Variants in FRY observed in about 807,000 individuals in gnomAD.
The protein encoded by FRY is protein furry homolog.
Under a neutral mutation model 348.4 loss-of-function variants are expected in FRY, and 128 were observed. The observed-to-expected ratio is 0.37, with a 90% confidence interval of 0.32 to 0.43. The LOEUF is 0.43. Ranked by LOEUF, FRY falls within the 20% of genes least tolerant of loss-of-function variation. FRY has a pLI of 1.00. For missense variants in FRY, 2,736 were observed against 3,695.2 expected (o/e 0.74, Z 6.73); for synonymous variants, 1,370 against 1,374.7 (o/e 1.00, Z 0.08).
chr13:32,202,514 C>T lies in FRY; in HGVS notation c.4005C>T (p.Leu1335=). The T allele has an allele frequency of 6.2e-7, 1 of 1,613,006 alleles. No homozygotes were observed. The highest frequency in any genetic ancestry group is 1.1e-5 in the South Asian group (1 of 91,046). The part of the protein sequence containing the change: ...ELARMYPELT[L]PLFSEVSQRF... ...CCAGGATGTACCCTGAGCTCACACT[C>T]CCCCTCTTCTCAGGTACCAGGCAAT... Residue 1335 remains leucine (L), a synonymous_variant, in exon 31 of 61, where the codon CTC becomes CTT. Coordinates refer to ENST00000542859, the MANE Select transcript of FRY (RefSeq NM_023037.3).
intron 31 of FRY, among the ~76,000 whole-genome samples, chr13:32,204,735 A>G (rs575040791): frequency 2.6e-4 from 39 of 152,356 alleles, no homozygotes; most frequent in African/African-American, 8.2e-4. Context: ...GAGAGACCCA[A>G]TAAAAGCCTT....
At chr13:32,235,245 T>C (rs1886158597) in intron 42 of FRY, among the ~76,000 whole-genome samples, 1 of 152,182 alleles carries the variant, frequency 6.6e-6, no homozygotes, top group South Asian at 2.1e-4. Context: ...GCCCTCAAGA[T>C]AGAGCCCAGA....
chr13:32,144,100 A>G (rs1880250717), intron 11 of FRY, among the ~76,000 whole-genome samples: 2 of 151,998 alleles, frequency 1.3e-5, no homozygotes, highest in Non-Finnish European at 2.9e-5. Context: ...AATTTCTGAA[A>G]TTTTTAAATG....
At chr13:32,210,801 C>T in intron 33 of FRY, 65 bp from the exon 34 acceptor site, 1 of 1,312,474 alleles carries the variant, frequency 7.6e-7, no homozygotes, top group Non-Finnish European at 1.1e-6. Context: ...GAGAGGTTTA[C>T]TGGCCTAGTG....
rs61006034 is a variant in FRY, at chr13:32,095,337, C to CTTTTTTTTTTT, written c.271-6608_271-6598dup. Among the ~76,000 whole-genome samples the CTTTTTTTTTTT allele has an allele frequency of 3.4e-5, 2 of 58,292 alleles. 1 individual carries two copies. The highest frequency in any genetic ancestry group is 5.9e-5 in the Non-Finnish European group (2 of 34,066). 38.2% of individuals were successfully genotyped at this position (58,292 alleles called of 152,430 possible). A position where few individuals can be genotyped will look rare whatever the true frequency, so the allele number is the denominator to read the frequency against. On this transcript the variant is annotated intron_variant, in intron 2 of 60. Transcript: ENST00000542859. ...GATTGTTTCCTTTGCTGTATGGAAG[C>CTTTTTTTTTTT]TTTTTTTTTTTTTTTTTTTTTTTTT...
chr13:32,265,664 A>G (rs763972343), intron 54 of FRY, 48 bp downstream of exon 54: 2 of 1,543,300 alleles, frequency 1.3e-6, no homozygotes, highest in Admixed American at 1.8e-5. Flanking sequence ...TGCATGGTAC[A>G]TTATATGGCA....
In FRY at chr13:32,190,058, A is replaced by G. The variant is rs142640006; in HGVS notation, c.3591+2402A>G. 8.7e-4 allele frequency among the ~76,000 whole-genome samples: 133 copies of G among 152,150 alleles called. 1 individual carries two copies. In the East Asian group the frequency reaches 0.021, roughly 24 times the overall value. ...ATATTCACAGAATCTCAAAAACATG[A>G]TCTCAGATGTACGAAAAGCATTTGT... On this transcript the variant is annotated intron_variant, in intron 28 of 60. Transcript: ENST00000542859.
rs764062238 is a variant in FRY, at chr13:32,254,292, C to T, written c.7314C>T (p.Asp2438=). ...EHQTSLVSSE[D]GAREQENMDD... is the part of the protein sequence containing the mutation. ...AGACAAGCTTGGTATCTTCTGAGGA[C>T]GGTGCCCGAGAGCAGGAGAACATGG... Residue 2438 remains aspartate (D), a synonymous_variant, in exon 51 of 61, where the codon GAC becomes GAT. Coordinates refer to ENST00000542859, the MANE Select transcript of FRY (RefSeq NM_023037.3). The T allele has an allele frequency of 4.3e-6, 7 of 1,613,838 alleles. No individual in the cohort carries two copies. The highest frequency in any genetic ancestry group is 1.1e-5 in the South Asian group (1 of 91,080).
At chr13:32,212,427 A>G in intron 35 of FRY, 45 bp downstream of exon 35, 1 of 1,097,980 alleles carries the variant, frequency 9.1e-7, no homozygotes, top group Non-Finnish European at 1.4e-6. Context: ...ATGTTCTGCA[A>G]TAATCTATAC....
intron 17 of FRY, among the ~76,000 whole-genome samples, chr13:32,161,573 GAGA>G (rs1555260066): frequency 3.9e-5 from 6 of 152,156 alleles, no homozygotes; most frequent in Non-Finnish European, 8.8e-5. Flanking sequence ...TAACTCCTGA[GAGA>G]AGGTGGAACT....
intron 41 of FRY, among the ~76,000 whole-genome samples, 166 bp from the exon 42 acceptor site, chr13:32,234,408 G>A (rs1886104726): frequency 6.6e-6 from 1 of 152,068 alleles, no homozygotes; most frequent in Non-Finnish European, 1.5e-5. Context: ...GGGCAGCAGA[G>A]TGAGACCCTG....
At chr13:32,185,170 A>C in intron 26 of FRY, 22 bp downstream of exon 26, 1 of 1,608,986 alleles carries the variant, frequency 6.2e-7, no homozygotes, top group East Asian at 2.2e-5. Context: ...CGTTACAAGA[A>C]ATTACCATTC....
intron 47 of FRY, 22 bp downstream of exon 47, chr13:32,244,204 CT>C: frequency 6.2e-7 from 1 of 1,607,572 alleles, no homozygotes; most frequent in Non-Finnish European, 8.5e-7. Flanking sequence ...GATAACTTCA[CT>C]AAGCAACCAG....
At chr13:32,242,109 T>G (rs1566161525) in intron 46 of FRY, among the ~76,000 whole-genome samples, 1 of 152,256 alleles carries the variant, frequency 6.6e-6, no homozygotes, top group Admixed American at 6.5e-5. Flanking sequence ...CTTTTGTTGC[T>G]AATGTTCATA....
At chr13:32,220,536 G>T (rs1593760413) in intron 36 of FRY, among the ~76,000 whole-genome samples, 1 of 152,210 alleles carries the variant, frequency 6.6e-6, no homozygotes, top group African/African-American at 2.4e-5. Flanking sequence ...CTTCTAGAAG[G>T]CACCAGATTT....
At chr13:32,165,094 G>GA (rs1419988004) in intron 17 of FRY, among the ~76,000 whole-genome samples, 4 of 152,138 alleles carry the variant, frequency 2.6e-5, no homozygotes, top group African/African-American at 9.7e-5. Context: ...CTTATTTTTA[G>GA]ATAAGGACAT....
chr13:32,232,182 G>A (rs1885952136), intron 41 of FRY, among the ~76,000 whole-genome samples: 1 of 152,212 alleles, frequency 6.6e-6, no homozygotes, highest in South Asian at 2.1e-4. Context: ...CAGACTGAAG[G>A]AAGCAGTTTA....
At chr13:32,179,087 T>C (rs1882540616) in intron 22 of FRY, 54 bp downstream of exon 22, 3 of 1,415,138 alleles carry the variant, frequency 2.1e-6, no homozygotes, top group Non-Finnish European at 3.0e-6. Context: ...TTTAGCTTGT[T>C]TGTCTAGAGT....
rs1291563306 is a variant in FRY, at chr13:32,239,831, C to G, written c.6637C>G (p.His2213Asp). ...GGTCAATGTGGTCTGTCGATACCTT[C>G]ATGAAGCATATGCTGACATTACCTT... ...TWVNVVCRYL[H>D]EAYADITLNM... Residue 2213 changes from histidine to aspartate, a missense_variant, in exon 46 of 61, where the codon CAT becomes GAT. Around this residue, in one of 9 missense-constraint regions of FRY, gnomAD observed 789 missense variants for 996.2 expected, o/e 0.79. Transcript: ENST00000542859. The surrounding 1 kb of genome is among the most constrained non-coding windows in gnomAD (Gnocchi z 4.3). 3.7e-6 allele frequency: 6 copies of G among 1,614,118 alleles called. No individual in the cohort carries two copies. The highest frequency in any genetic ancestry group is 5.1e-6 in the Non-Finnish European group (6 of 1,179,984).
Sources: allele counts gnomAD v4.1 joint callset (sites outside exome capture counted in the v4.1 genomes callset), GRCh38; gene constraint gnomAD v4.1.1; regional missense constraint gnomAD v4.1.1; non-coding constraint Gnocchi (gnomAD v3.1); transcripts MANE v1.5; gene names NCBI Gene and HGNC (gene_info 2026-07-23, HGNC 2026-07-21).